FGF12: variants seen among roughly 807,000 people sequenced by gnomAD.
FGF12 encodes the protein fibroblast growth factor 12B.
A neutral mutation model predicts 23.6 loss-of-function variants in FGF12; 14 were observed. The observed-to-expected ratio is 0.59, with a 90% CI of 0.39 to 0.93. The LOEUF is 0.93. FGF12 is among the 40% of genes least tolerant of loss of function. FGF12 has a pLI of 0.00. For synonymous variants in FGF12, 62 were observed against 77.3 expected, an observed-to-expected ratio of 0.80 and a Z score of 1.04; for missense variants, 175 against 217.8, an observed-to-expected ratio of 0.80 and a Z score of 1.24.
chr3:192,442,395 G>C (rs776040546), intron 2 of FGF12, among the ~76,000 whole-genome samples: 3 of 152,160 alleles, frequency 2.0e-5, no homozygotes, highest in Admixed American at 1.3e-4. Flanking sequence ...AAATGCATGA[G>C]ACAATTAAGT....
chr3:192,535,498 T>C (rs1277193954), intron 2 of FGF12, among the ~76,000 whole-genome samples: 1 of 152,152 alleles, frequency 6.6e-6, no homozygotes, highest in Non-Finnish European at 1.5e-5. Context: ...GAGAAGAATT[T>C]GGAGCTCCTG....
intron 4 of FGF12, among the ~76,000 whole-genome samples, chr3:192,207,811 T>C (rs1227077863): frequency 6.6e-6 from 1 of 152,096 alleles, no homozygotes; most frequent in African/African-American, 2.4e-5. Context: ...TGAGAGAAAC[T>C]GGTGTCAAGA....
intron 2 of FGF12, among the ~76,000 whole-genome samples, chr3:192,597,855 T>G (rs1276791415): frequency 2.0e-5 from 3 of 152,218 alleles, no homozygotes. Context: ...AAACTGGAGA[T>G]GACAATCTGG....
rs566768925 is a variant in FGF12 at position 192,703,241 on chromosome 3, A to G, written c.13+23940T>C. Reference sequence around the variant, plus strand: ...TGAATATTGCAATAAAGCAAGTGACACAAATTTTTTGGCTACTAGTGCATA... The same window carrying G: ...TGAATATTGCAATAAAGCAAGTGACGCAAATTTTTTGGCTACTAGTGCATA... On this transcript the variant is annotated intron_variant, in intron 2 of 5. Coordinates refer to ENST00000445105, the MANE Select transcript of FGF12 (RefSeq NM_004113.6). Among the ~76,000 whole-genome samples the G allele has an allele frequency of 5.5e-4, 84 of 152,358 alleles. 1 individual carries two copies. The highest frequency in any genetic ancestry group is 1.2e-3 in the Admixed American group (19 of 15,308).
chr3:192,625,796 C>T (rs190537438), intron 2 of FGF12, among the ~76,000 whole-genome samples: 17 of 151,982 alleles, frequency 1.1e-4, no homozygotes, highest in African/African-American at 3.9e-4. Flanking sequence ...AGGGCATGAA[C>T]AAATACAAAT....
chr3:192,620,938 T>C (rs1237414240), intron 2 of FGF12, among the ~76,000 whole-genome samples: 2 of 152,148 alleles, frequency 1.3e-5, no homozygotes, highest in African/African-American at 4.8e-5. Context: ...TAAGCCTCCA[T>C]CTGTAAAGTT....
At chr3:192,236,197 T>C (rs927374865) in intron 4 of FGF12, among the ~76,000 whole-genome samples, 3 of 151,736 alleles carry the variant, frequency 2.0e-5, no homozygotes, top group Non-Finnish European at 2.9e-5. Context: ...TGATTTCTAT[T>C]CTTATTTTGC....
intron 2 of FGF12, among the ~76,000 whole-genome samples, chr3:192,403,770 A>G (rs1369028692): frequency 6.6e-6 from 1 of 152,132 alleles, no homozygotes; most frequent in African/African-American, 2.4e-5. Flanking sequence ...ATGATTAAAC[A>G]TTATTTCACC....
Position 192,664,726 on chromosome 3 carries a change from T to C in FGF12, c.13+62455A>G, listed in dbSNP as rs562418758. Among the ~76,000 whole-genome samples the C allele has an allele frequency of 3.3e-5, 5 of 151,976 alleles. No individual in the cohort carries two copies. The East Asian group carries it at 9.7e-4, about 29-fold the overall frequency. The stretch of plus-strand genomic sequence containing the variant: ...GTTGCAGTGAGCTGGGATCACGCCA[T>C]TGCACTCCAGCCTGGGCAACAGAGT... On this transcript the variant is annotated intron_variant, in intron 2 of 5. Transcript: ENST00000445105.
rs565390792 is a variant in FGF12, at chr3:192,140,015, C to T, written c.*3994G>A. 8 of 152,154 alleles carry T rather than the reference C, an allele frequency of 5.3e-5. No individual in the cohort carries two copies. The highest frequency in any genetic ancestry group is 1.9e-4 in the African/African-American group (8 of 41,540). 9.4% of individuals were successfully genotyped at this position (152,154 alleles called of 1,614,324 possible). On this transcript the variant is annotated 3_prime_UTR_variant, in exon 6 of 6. Coordinates refer to ENST00000445105, the MANE Select transcript of FGF12 (RefSeq NM_004113.6). ...AAAAATCACCAAAGTACTGAAGGAA[C>T]ACGTGCTTTGATTATTATTCCCACC...
chr3:192,377,302 G>A (rs1421213271), intron 2 of FGF12, among the ~76,000 whole-genome samples: 1 of 152,192 alleles, frequency 6.6e-6, no homozygotes, highest in Non-Finnish European at 1.5e-5. Flanking sequence ...ACCTGTTGAT[G>A]CCTATGCCAT....
At chr3:192,533,976 T>G (rs1725161839) in intron 2 of FGF12, 1 of 152,292 alleles carries the variant, frequency 6.6e-6, no homozygotes, top group Non-Finnish European at 1.5e-5. Flanking sequence ...AAATGTGAAT[T>G]TTTATAAGAT....
At chr3:192,551,272 A>T (rs1180967400) in intron 2 of FGF12, among the ~76,000 whole-genome samples, 1 of 152,186 alleles carries the variant, frequency 6.6e-6, no homozygotes, top group Non-Finnish European at 1.5e-5. Context: ...TTTTACTGAG[A>T]GGAGAAGGCA....
chr3:192,342,224 C>T (rs1000706269), intron 3 of FGF12, among the ~76,000 whole-genome samples: 1 of 152,266 alleles, frequency 6.6e-6, no homozygotes, highest in South Asian at 2.1e-4. Context: ...TCTCCTTACA[C>T]ATGTTTATTC....
intron 2 of FGF12, among the ~76,000 whole-genome samples, chr3:192,662,391 A>C (rs1195412799): frequency 6.6e-6 from 1 of 152,200 alleles, no homozygotes; most frequent in Non-Finnish European, 1.5e-5. Context: ...ATCCAAATAA[A>C]TAGCCTCCAA....
intron 5 of FGF12, among the ~76,000 whole-genome samples, chr3:192,161,535 C>CACA (rs3222257): frequency 2.0e-5 from 3 of 147,716 alleles, no homozygotes; most frequent in African/African-American, 7.5e-5. Context: ...CACACACACA[C>CACA]ATCACATCAC....
chr3:192,709,575 T>G (rs934026134), intron 2 of FGF12, among the ~76,000 whole-genome samples: 1 of 152,198 alleles, frequency 6.6e-6, no homozygotes, highest in African/African-American at 2.4e-5. Flanking sequence ...TTCACCAGGA[T>G]TGAGCCAGGT....
chr3:192,708,249 T>A (rs6765184), intron 2 of FGF12, among the ~76,000 whole-genome samples: 5 of 151,932 alleles, frequency 3.3e-5, no homozygotes, highest in African/African-American at 4.8e-5. Flanking sequence ...GTGAACTGCC[T>A]TGTCCAGCCA....
intron 2 of FGF12, among the ~76,000 whole-genome samples, chr3:192,466,470 A>C (rs979785138): frequency 1.3e-5 from 2 of 152,178 alleles, no homozygotes; most frequent in Non-Finnish European, 2.9e-5. Context: ...CAACAGGTAT[A>C]TACCTCTCAA....
Sources: allele counts gnomAD v4.1 joint callset (sites outside exome capture counted in the v4.1 genomes callset), GRCh38; gene constraint gnomAD v4.1.1; transcripts MANE v1.5; gene names NCBI Gene and HGNC (gene_info 2026-07-23, HGNC 2026-07-21).